NELL1: variants seen among roughly 807,000 people sequenced by gnomAD.
NELL1 encodes the protein protein kinase C-binding protein NELL1.
A neutral mutation model predicts 107.4 loss-of-function variants in NELL1; 76 were observed. That is an observed-to-expected ratio of 0.71 (90% CI 0.59 to 0.86). NELL1 has a LOEUF of 0.86. NELL1 is among the 40% of genes least tolerant of loss of function. The probability of loss-of-function intolerance (pLI) is 0.00; values close to 1 mark genes in which losing one functional copy is unlikely to be tolerated. For missense variants in NELL1, 1,024 were observed against 1,005.5 expected (o/e 1.02, Z -0.25); for synonymous variants, 353 against 341.2 (o/e 1.03, Z -0.38).
intron 3 of NELL1, among the ~76,000 whole-genome samples, chr11:20,786,750 T>G (rs1164076473): frequency 1.3e-5 from 2 of 152,030 alleles, no homozygotes; most frequent in Non-Finnish European, 2.9e-5. Flanking sequence ...GGTTTACACC[T>G]GTAATCCCAG....
At chr11:21,374,277 T>A (rs1336756896) in intron 15 of NELL1, among the ~76,000 whole-genome samples, 1 of 152,058 alleles carries the variant, frequency 6.6e-6, no homozygotes, top group Non-Finnish European at 1.5e-5. Context: ...GCTCAGGGAC[T>A]TTTATGAGAT....
chr11:21,422,106 TGTG>T (rs1852691263), intron 15 of NELL1, among the ~76,000 whole-genome samples: 1 of 150,666 alleles, frequency 6.6e-6, no homozygotes, highest in Non-Finnish European at 1.5e-5. Flanking sequence ...TGTGTGTGTG[TGTG>T]TGTGTGTGTG....
intron 2 of NELL1, among the ~76,000 whole-genome samples, chr11:20,709,345 C>T: frequency 6.6e-6 from 1 of 152,178 alleles, no homozygotes; most frequent in South Asian, 2.1e-4. Flanking sequence ...GATTAGTTGG[C>T]TGTAAGTATT....
intron 4 of NELL1, among the ~76,000 whole-genome samples, chr11:20,847,968 G>A (rs148463910): frequency 1.3e-5 from 2 of 152,306 alleles, no homozygotes; most frequent in African/African-American, 4.8e-5. Flanking sequence ...TGTATCCCGT[G>A]ATTAGGAGCA....
At chr11:21,235,426 T>A (rs1858180938) in intron 14 of NELL1, among the ~76,000 whole-genome samples, 2 of 152,144 alleles carry the variant, frequency 1.3e-5, no homozygotes, top group Non-Finnish European at 2.9e-5. Flanking sequence ...AGGGTCGGAC[T>A]CAATCAATCA....
chr11:21,105,150 C>T (rs1854918400), intron 12 of NELL1, among the ~76,000 whole-genome samples: 1 of 151,998 alleles, frequency 6.6e-6, no homozygotes, highest in Non-Finnish European at 1.5e-5. Flanking sequence ...GGGTAAATAC[C>T]CAAGGTTTGT....
In NELL1 at chr11:20,678,006, G is replaced by C; in HGVS notation, c.130G>C (p.Gly44Arg). The change falls in exon 2 of 20, where the codon GGA becomes CGA. Residue 44 changes from glycine to arginine, a missense_variant. Transcript: ENST00000357134. Reference protein sequence around the residue: ...TELDLVNTTLGVAQVSGMHNA... With the variant: ...TELDLVNTTLRVAQVSGMHNA... ...GCTTGACCTTGTGAACACCACCCTT[G>C]GAGTTGCTCAGGTGTCTGGAATGCA... 6.2e-7 allele frequency: 1 copy of C among 1,614,092 alleles called. No homozygotes were observed. Among genetic ancestry groups the C allele is most frequent in the Non-Finnish European group, 8.5e-7 (1 of 1,179,992 alleles).
intron 2 of NELL1, among the ~76,000 whole-genome samples, chr11:20,715,696 G>T (rs1855233646): frequency 6.6e-6 from 1 of 152,232 alleles, no homozygotes; most frequent in South Asian, 2.1e-4. Context: ...GTCAGTTGGT[G>T]AATTCCATTT....
At chr11:21,036,236 G>C (rs543543501) in intron 12 of NELL1, among the ~76,000 whole-genome samples, 2 of 152,206 alleles carry the variant, frequency 1.3e-5, no homozygotes, top group African/African-American at 4.8e-5. Context: ...AATCAAAGAT[G>C]ACATAAACAA....
chr11:21,150,649 G>A (rs1230788626), intron 13 of NELL1, among the ~76,000 whole-genome samples: 104 of 152,272 alleles, frequency 6.8e-4, no homozygotes, highest in Non-Finnish European at 5.9e-5. Context: ...AATCTTGTCT[G>A]TACATTTGAA....
chr11:21,575,144 A>T lies in NELL1; in HGVS notation c.*122A>T. 1 of 883,192 alleles carries T rather than the reference A, an allele frequency of 1.1e-6. No individual in the cohort carries two copies. The highest frequency in any genetic ancestry group is 1.8e-6 in the Non-Finnish European group (1 of 549,524). The allele number at this position is 883,192 out of a possible 1,614,324, so 54.7% of individuals were successfully genotyped here. On this transcript the variant is annotated 3_prime_UTR_variant, in exon 20 of 20. Coordinates refer to ENST00000357134, the MANE Select transcript of NELL1 (RefSeq NM_006157.5). Reference sequence around the variant, plus strand: ...GTTTTTTTAACCACAGATAATTGCCAAAGTTTCCACCTGAGGACGGTGTTT... The same window carrying T: ...GTTTTTTTAACCACAGATAATTGCCTAAGTTTCCACCTGAGGACGGTGTTT...
chr11:21,478,054 G>A (rs182402021), intron 15 of NELL1, among the ~76,000 whole-genome samples: 1 of 152,132 alleles, frequency 6.6e-6, no homozygotes, highest in Non-Finnish European at 1.5e-5. Context: ...AGGTTTAATT[G>A]ACTCAGTTCC....
At chr11:21,107,273 C>T (rs1854992502) in intron 12 of NELL1, among the ~76,000 whole-genome samples, 1 of 151,986 alleles carries the variant, frequency 6.6e-6, no homozygotes, top group African/African-American at 2.4e-5. Context: ...TTTTCACTGC[C>T]CTAAAACCTC....
intron 11 of NELL1, among the ~76,000 whole-genome samples, chr11:20,958,905 G>C (rs1851232816): frequency 6.6e-6 from 1 of 152,128 alleles, no homozygotes; most frequent in South Asian, 2.1e-4. Flanking sequence ...GATATTGTGG[G>C]TTCGGTTCCA....
chr11:20,839,070 A>G (rs1331776600), intron 3 of NELL1, among the ~76,000 whole-genome samples: 1 of 151,898 alleles, frequency 6.6e-6, no homozygotes, highest in Non-Finnish European at 1.5e-5. Context: ...TTTTTTTTTT[A>G]AAGTGTATTC....
chr11:21,109,107 G>A lies in NELL1; in HGVS notation c.1301-4482G>A, dbSNP rs574008163. Reference sequence around the variant, plus strand: ...CAAGTGAAGTCACCTGATAACCTCCGAGCCTCAGTTTCGTGGCATGGAGAT... The same window carrying A: ...CAAGTGAAGTCACCTGATAACCTCCAAGCCTCAGTTTCGTGGCATGGAGAT... On this transcript the variant is annotated intron_variant, in intron 12 of 19. Coordinates refer to ENST00000357134, the MANE Select transcript of NELL1 (RefSeq NM_006157.5). Among the ~76,000 whole-genome samples, 7 of 152,116 alleles carry A rather than the reference G, an allele frequency of 4.6e-5. No individual in the cohort carries two copies. The South Asian group carries it at 6.2e-4, about 14-fold the overall frequency.
At chr11:20,767,480 G>A (rs1287235941) in intron 2 of NELL1, among the ~76,000 whole-genome samples, 1 of 152,170 alleles carries the variant, frequency 6.6e-6, no homozygotes, top group East Asian at 1.9e-4. Flanking sequence ...GCTGATTGGT[G>A]CATTTACAAT....
At chr11:20,774,827 A>G (rs1426123507) in intron 2 of NELL1, among the ~76,000 whole-genome samples, 2 of 152,100 alleles carry the variant, frequency 1.3e-5, no homozygotes, top group Non-Finnish European at 2.9e-5. Context: ...GCACCCAGCA[A>G]CCTTTGGTGC....
At chr11:21,052,409 T>A (rs1853514787) in intron 12 of NELL1, among the ~76,000 whole-genome samples, 1 of 151,830 alleles carries the variant, frequency 6.6e-6, no homozygotes, top group African/African-American at 2.4e-5. Context: ...CCTAGAAAAA[T>A]CCAAGAAGAG....
Sources: allele counts gnomAD v4.1 joint callset (sites outside exome capture counted in the v4.1 genomes callset), GRCh38; gene constraint gnomAD v4.1.1; transcripts MANE v1.5; gene names NCBI Gene and HGNC (gene_info 2026-07-23, HGNC 2026-07-21).